GRIK1: variants seen among roughly 807,000 people sequenced by gnomAD.
GRIK1 encodes the protein glutamate ionotropic receptor kainate type subunit 1.
GRIK1 carries 69 observed loss-of-function variants against 105.7 expected under a neutral mutation model. The observed-to-expected ratio is 0.65, with a 90% CI of 0.54 to 0.80. The LOEUF (loss-of-function observed/expected upper bound fraction) is 0.80, where lower values mean the gene tolerates loss of function less well. Ranked by LOEUF, GRIK1 falls within the 30% of genes least tolerant of loss-of-function variation. The probability of loss-of-function intolerance (pLI) is 0.00; values close to 1 mark genes in which losing one functional copy is unlikely to be tolerated. For missense variants in GRIK1, 1,109 were observed against 1,167.3 expected (o/e 0.95, Z 0.73); for synonymous variants, 438 against 431.3 (o/e 1.02, Z -0.19).
In GRIK1 at chr21:29,692,422, GAA is replaced by G. The variant is rs145805405; in HGVS notation, c.286+1472_286+1473del. 2.9e-3 allele frequency among the ~76,000 whole-genome samples: 449 copies of G among 152,238 alleles called. 5 individuals carry two copies. Among genetic ancestry groups the G allele is most frequent in the African/African-American group, 0.01 (430 of 41,538 alleles). On this transcript the variant is annotated intron_variant, in intron 2 of 17. Transcript: ENST00000327783. ...AGATAATTTATGTGAGGATAGCTTG[GAA>G]ACTTTAAAATGCTGTATAAGTATAT... is the stretch of plus-strand genomic sequence containing the variant.
chr21:29,740,382 T>G (rs1407923312), intron 1 of GRIK1, among the ~76,000 whole-genome samples: 1 of 152,150 alleles, frequency 6.6e-6, no homozygotes, highest in African/African-American at 2.4e-5. Flanking sequence ...CACACCCAAC[T>G]AATTTTTGTA....
chr21:29,639,230 TAATTCATTCATC>T (rs2062459925), intron 7 of GRIK1, among the ~76,000 whole-genome samples: 1 of 152,252 alleles, frequency 6.6e-6, no homozygotes. Context: ...ATTCATTCAT[TAATTCATTCATC>T]AATTCATTCA....
At chr21:29,845,684 G>T (rs1569153516) in intron 1 of GRIK1, among the ~76,000 whole-genome samples, 1 of 152,010 alleles carries the variant, frequency 6.6e-6, no homozygotes, top group Non-Finnish European at 1.5e-5. Flanking sequence ...TGGAGTACTT[G>T]TTCTCATTTG....
intron 12 of GRIK1, among the ~76,000 whole-genome samples, chr21:29,583,073 G>A (rs1453485950): frequency 6.6e-6 from 1 of 152,050 alleles, no homozygotes; most frequent in Non-Finnish European, 1.5e-5. Context: ...TGAGTCTTAG[G>A]GGGACTGGGA....
intron 14 of GRIK1, among the ~76,000 whole-genome samples, chr21:29,569,382 G>A (rs577132871): frequency 6.6e-6 from 1 of 152,244 alleles, no homozygotes; most frequent in African/African-American, 2.4e-5. Flanking sequence ...TGAGTTAGAA[G>A]TCATCCTCAA....
rs183984757 is a variant in GRIK1 at position 29,777,688 on chromosome 21, A to C, written c.119-83625T>G. ...TGTACCTCATTCTAAGGCCAATGGC[A>C]GCACGCTGAAGGACGTTAAGTACAG... is the stretch of plus-strand genomic sequence containing the variant. On this transcript the variant is annotated intron_variant, in intron 1 of 17. Coordinates refer to ENST00000327783, the MANE Select transcript of GRIK1 (RefSeq NM_001330994.2). Among the ~76,000 whole-genome samples the C allele has an allele frequency of 1.2e-3, 181 of 152,346 alleles. 1 individual carries two copies. Among genetic ancestry groups the C allele is most frequent in the African/African-American group, 4.0e-3 (165 of 41,598 alleles).
intron 16 of GRIK1, among the ~76,000 whole-genome samples, chr21:29,541,573 G>GTTTTT (rs1202014711): frequency 1.2e-5 from 1 of 83,742 alleles, no homozygotes; most frequent in African/African-American, 7.3e-5. Context: ...TGCACTCACG[G>GTTTTT]TCTTTTTTTT....
intron 7 of GRIK1, among the ~76,000 whole-genome samples, chr21:29,635,135 T>A (rs2062369396): frequency 6.6e-6 from 1 of 152,058 alleles, no homozygotes; most frequent in Admixed American, 6.6e-5. Context: ...GGGGATGAGG[T>A]CTTAGATAAC....
intron 8 of GRIK1, among the ~76,000 whole-genome samples, chr21:29,597,275 A>G (rs748332086): frequency 5.3e-5 from 8 of 152,222 alleles, no homozygotes; most frequent in Non-Finnish European, 1.0e-4. Flanking sequence ...TAAGAAACCA[A>G]CACAAAACAC....
At chr21:29,702,064 G>A (rs923473305) in intron 1 of GRIK1, among the ~76,000 whole-genome samples, 1 of 152,118 alleles carries the variant, frequency 6.6e-6, no homozygotes, top group Non-Finnish European at 1.5e-5. Flanking sequence ...AAGACCACGT[G>A]TTCTCATGTA....
intron 1 of GRIK1, among the ~76,000 whole-genome samples, chr21:29,799,731 T>C (rs2066652594): frequency 6.6e-6 from 1 of 152,196 alleles, no homozygotes; most frequent in African/African-American, 2.4e-5. Flanking sequence ...GATTTCACTA[T>C]GTCGGCTAGG....
At chr21:29,633,319 T>C (rs1945993286) in intron 7 of GRIK1, among the ~76,000 whole-genome samples, 2 of 152,082 alleles carry the variant, frequency 1.3e-5, no homozygotes, top group Admixed American at 6.5e-5. Context: ...GCCAACATGG[T>C]GAAACCCCAT....
At chr21:29,700,476 C>T (rs542311117) in intron 1 of GRIK1, among the ~76,000 whole-genome samples, 31 of 152,240 alleles carry the variant, frequency 2.0e-4, no homozygotes, top group Non-Finnish European at 3.4e-4. Context: ...GGTAAACCCA[C>T]GGCAATGGCT....
chr21:29,563,567 T>A (rs57019519), intron 14 of GRIK1, among the ~76,000 whole-genome samples: 2 of 151,964 alleles, frequency 1.3e-5, no homozygotes, highest in African/African-American at 4.8e-5. Flanking sequence ...GGGGGTCAGG[T>A]TTACTGCTTC....
At chr21:29,559,974 C>T (rs2090350798) in intron 15 of GRIK1, among the ~76,000 whole-genome samples, 1 of 152,192 alleles carries the variant, frequency 6.6e-6, no homozygotes, top group African/African-American at 2.4e-5. Context: ...CTGGCACAAG[C>T]ATGCTTTGCT....
At chr21:29,835,766 A>G (rs551339900) in intron 1 of GRIK1, among the ~76,000 whole-genome samples, 1 of 152,314 alleles carries the variant, frequency 6.6e-6, no homozygotes, top group East Asian at 1.9e-4. Flanking sequence ...GAATAACCCA[A>G]TGGGCAATAA....
intron 3 of GRIK1, among the ~76,000 whole-genome samples, chr21:29,685,827 A>T (rs1188323390): frequency 6.6e-6 from 1 of 152,102 alleles, no homozygotes; most frequent in African/African-American, 2.4e-5. Context: ...CTCTTAATCC[A>T]CTGACGTGAG....
chr21:29,839,778 T>C (rs1392387990), intron 1 of GRIK1, among the ~76,000 whole-genome samples: 3 of 152,114 alleles, frequency 2.0e-5, no homozygotes, highest in Non-Finnish European at 4.4e-5. Flanking sequence ...GCAACAAAGA[T>C]AGAACTCATC....
chr21:29,803,545 G>A (rs1403618132), intron 1 of GRIK1, among the ~76,000 whole-genome samples: 3 of 152,178 alleles, frequency 2.0e-5, no homozygotes, highest in African/African-American at 7.2e-5. Flanking sequence ...ACAATTTTGG[G>A]TATAAGCTGG....
Sources: gnomAD v4.1 joint callset for allele counts (sites outside exome capture counted in the v4.1 genomes callset) on GRCh38, gnomAD v4.1.1 for gene constraint, MANE v1.5 for transcripts, NCBI Gene and HGNC (gene_info 2026-07-23, HGNC 2026-07-21) for gene names.